SLC25A48: variants seen among roughly 807,000 people sequenced by gnomAD.
SLC25A48 encodes the protein CTC-321K16.1.
In SLC25A48, 29 loss-of-function variants were observed where a neutral mutation model predicts 32.2. The ratio of observed to expected loss-of-function variants is 0.90; its 90% CI spans 0.67 to 1.23. The LOEUF (loss-of-function observed/expected upper bound fraction) is 1.23. Ranked by LOEUF, SLC25A48 falls within the 50% of genes most tolerant of loss-of-function variation. The pLI is 0.00. For synonymous variants in SLC25A48, 164 were observed against 172.3 expected, an observed-to-expected ratio of 0.95 and a Z score of 0.38; for missense variants, 399 against 422.7, an observed-to-expected ratio of 0.94 and a Z score of 0.49.
chr5:135,630,588 C>CTTTTT (rs869088370), intron 2 of SLC25A48, among the ~76,000 whole-genome samples: 737 of 58,954 alleles, frequency 0.013, 137 homozygotes, highest in Non-Finnish European at 0.015. Context: ...GGCTGGGCAC[C>CTTTTT]TTTTTTTTTT....
At chr5:135,861,869 T>A (rs1760824768) in intron 4 of SLC25A48, among the ~76,000 whole-genome samples, 1 of 152,224 alleles carries the variant, frequency 6.6e-6, no homozygotes, top group Non-Finnish European at 1.5e-5. Flanking sequence ...GAATTTCCAT[T>A]TGACACTGAC....
At position 135,877,973 on chromosome 5, in the gene SLC25A48, G is replaced by A. The variant is rs552000413; in HGVS notation, c.814-1995G>A. The stretch of plus-strand genomic sequence containing the variant: ...CCCAGAGTGTCAGCTGTGAGAGGCC[G>A]TCCAGAGAAAGTGCAAGGGAGAGCA... On this transcript the variant is annotated intron_variant, in intron 6 of 7. Transcript: ENST00000681962. Among the ~76,000 whole-genome samples, 10 of 152,296 alleles carry A rather than the reference G, an allele frequency of 6.6e-5. No homozygotes were observed. The South Asian group carries it at 1.0e-3, about 16-fold the overall frequency.
chr5:135,795,039 A>G (rs1302296795), intron 3 of SLC25A48, among the ~76,000 whole-genome samples: 1 of 151,822 alleles, frequency 6.6e-6, no homozygotes, highest in East Asian at 1.9e-4. Context: ...ATACACCCCC[A>G]CATTGATATT....
intron 3 of SLC25A48, among the ~76,000 whole-genome samples, chr5:135,791,935 C>T (rs553814674): frequency 2.0e-5 from 3 of 151,546 alleles, no homozygotes; most frequent in South Asian, 2.1e-4. Flanking sequence ...AAGATATTAC[C>T]GCAAACATCA....
At chr5:135,848,423 C>T (rs1759585856) in intron 2 of SLC25A48, among the ~76,000 whole-genome samples, 1 of 152,176 alleles carries the variant, frequency 6.6e-6, no homozygotes, top group African/African-American at 2.4e-5. Flanking sequence ...ACATCCCACT[C>T]CGAGGTAGGC....
At chr5:135,735,162 T>C (rs1037832461) in intron 3 of SLC25A48, among the ~76,000 whole-genome samples, 5 of 152,166 alleles carry the variant, frequency 3.3e-5, no homozygotes, top group Admixed American at 3.3e-4. Context: ...GAGGGGGTCC[T>C]GGAGCAATGC....
chr5:135,822,782 G>A (rs1757926317), intron 4 of SLC25A48, among the ~76,000 whole-genome samples: 1 of 152,096 alleles, frequency 6.6e-6, no homozygotes, highest in African/African-American at 2.4e-5. Flanking sequence ...CTTCAGAGTG[G>A]GTCAGACCTG....
chr5:135,694,117 C>G (rs541778260), intron 3 of SLC25A48, among the ~76,000 whole-genome samples: 65 of 152,304 alleles, frequency 4.3e-4, no homozygotes, highest in African/African-American at 1.4e-3. Context: ...CAAACAGCCA[C>G]ACGGTGGGCA....
At chr5:135,616,807 C>G (rs371819517) in intron 1 of SLC25A48, among the ~76,000 whole-genome samples, 4 of 152,024 alleles carry the variant, frequency 2.6e-5, no homozygotes, top group Admixed American at 6.6e-5. Context: ...TGTGGGAGAA[C>G]GAACTAATAC....
intron 3 of SLC25A48, among the ~76,000 whole-genome samples, chr5:135,715,933 C>T (rs2126978448): frequency 6.6e-6 from 1 of 152,288 alleles, no homozygotes; most frequent in South Asian, 2.1e-4. Context: ...GGCTGTGGGG[C>T]TCCACTTTGT....
intron 2 of SLC25A48, among the ~76,000 whole-genome samples, chr5:135,632,645 G>C (rs1374688567): frequency 6.6e-6 from 1 of 152,182 alleles, no homozygotes; most frequent in Non-Finnish European, 1.5e-5. Context: ...AGAACAGTAG[G>C]AAGAACATTC....
At chr5:135,851,384 A>G (rs1759850877) in intron 3 of SLC25A48, among the ~76,000 whole-genome samples, 1 of 152,162 alleles carries the variant, frequency 6.6e-6, no homozygotes, top group Non-Finnish European at 1.5e-5. Flanking sequence ...AGTCCCCTGA[A>G]AGCGGCTGTT....
intron 7 of SLC25A48, among the ~76,000 whole-genome samples, chr5:135,880,351 C>T (rs1762377512): frequency 6.6e-6 from 1 of 152,040 alleles, no homozygotes; most frequent in Non-Finnish European, 1.5e-5. Flanking sequence ...CAGCTCGCCT[C>T]TCCGTTTCCC....
rs551355619 is a variant in SLC25A48 at position 135,713,143 on chromosome 5, G to A, written c.-521+78187G>A. Among the ~76,000 whole-genome samples, 11 of 152,292 alleles carry A rather than the reference G, an allele frequency of 7.2e-5. No individual in the cohort carries two copies. In the South Asian group the frequency reaches 1.7e-3, roughly 23 times the overall value. On this transcript the variant is annotated intron_variant, in intron 3 of 10. Coordinates refer to the SLC25A48 transcript ENST00000646290. ...CAGTGCCATCACCTGAGAGCTTGTT[G>A]GAAATGCAGAATCTCAGGCCCAGCC...
chr5:135,708,379 T>C (rs571162887), intron 3 of SLC25A48, among the ~76,000 whole-genome samples: 5 of 152,340 alleles, frequency 3.3e-5, no homozygotes, highest in Admixed American at 3.3e-4. Flanking sequence ...AGCAAGTTTT[T>C]TCTGCAGGCT....
In SLC25A48 at chr5:135,783,029, A is replaced by C. The variant is rs1442185547; in HGVS notation, c.-520-29494A>C. On this transcript the variant is annotated intron_variant, in intron 3 of 10. Transcript: ENST00000646290. The stretch of plus-strand genomic sequence containing the variant: ...AATATCACAGGGTGTTTACACCCCC[A>C]CTGTGATATTGTTCCTAATTTCAAG... Among the ~76,000 whole-genome samples the C allele has an allele frequency of 3.4e-4, 39 of 114,712 alleles. 3 individuals are homozygous for C. The highest frequency in any genetic ancestry group is 1.0e-3 in the African/African-American group (39 of 37,958). The allele number at this position is 114,712 out of a possible 152,430, so 75.3% of individuals were successfully genotyped here. A position where few individuals can be genotyped will look rare whatever the true frequency, so the allele number is the denominator to read the frequency against.
chr5:135,618,831 G>A (rs1210482173), intron 1 of SLC25A48, among the ~76,000 whole-genome samples: 3 of 151,088 alleles, frequency 2.0e-5, no homozygotes, highest in Non-Finnish European at 2.9e-5. Context: ...TTCTCTCCTG[G>A]CCTGTAAGGT....
intron 3 of SLC25A48, among the ~76,000 whole-genome samples, chr5:135,664,061 CT>C (rs1330193744): frequency 1.3e-5 from 2 of 152,208 alleles, no homozygotes; most frequent in Admixed American, 1.3e-4. Flanking sequence ...TCCTCCCTCT[CT>C]GTTGCTAGGA....
At chr5:135,778,648 A>G in intron 3 of SLC25A48, among the ~76,000 whole-genome samples, 1 of 149,726 alleles carries the variant, frequency 6.7e-6, no homozygotes, top group South Asian at 2.2e-4. Context: ...TCAGTGTGAG[A>G]GAGGGTGACA....
Sources: allele counts gnomAD v4.1 joint callset (sites outside exome capture counted in the v4.1 genomes callset), GRCh38; gene constraint gnomAD v4.1.1; transcripts MANE v1.5; gene names NCBI Gene and HGNC (gene_info 2026-07-23, HGNC 2026-07-21).